The following NRG3 variants were observed in gnomAD, a reference collection of about 807,000 sequenced individuals.
NRG3 encodes pro-neuregulin-3, membrane-bound isoform.
A neutral mutation model predicts 66.9 loss-of-function variants in NRG3; 31 were observed. That is an observed-to-expected ratio of 0.46 (90% CI 0.35 to 0.63). The LOEUF is 0.63. Among genes scored for constraint, NRG3 ranks in the 20% least tolerant of loss-of-function variants. The pLI, the probability that NRG3 is intolerant of heterozygous loss-of-function variation, is 0.00. For synonymous variants in NRG3, 393 were observed against 359.4 expected (o/e 1.09, Z -1.06); for missense variants, 910 against 878.9 (o/e 1.04, Z -0.45).
chr10:82,132,481 TATATATATATG>T (rs1428470355), intron 1 of NRG3, among the ~76,000 whole-genome samples: 1 of 7,326 alleles, frequency 1.4e-4, no homozygotes, highest in African/African-American at 7.0e-4. Context: ...ATATATATGA[TATATATATATG>T]ATATATATAT....
intron 1 of NRG3, among the ~76,000 whole-genome samples, chr10:81,932,979 G>GCAT (rs1248112662): frequency 6.6e-6 from 1 of 151,726 alleles, no homozygotes. Context: ...CGTGATGGTG[G>GCAT]GCACCTGTAA....
At chr10:82,847,616 G>A (rs2063363749) in intron 3 of NRG3, among the ~76,000 whole-genome samples, 1 of 152,182 alleles carries the variant, frequency 6.6e-6, no homozygotes, top group East Asian at 1.9e-4. Flanking sequence ...ATTTTCAGAT[G>A]GTAATTTTCA....
At chr10:82,595,479 A>C (rs2047216707) in intron 2 of NRG3, among the ~76,000 whole-genome samples, 1 of 152,164 alleles carries the variant, frequency 6.6e-6, no homozygotes, top group Admixed American at 6.6e-5. Flanking sequence ...GAGTTGCACA[A>C]CATAGCATGT....
intron 1 of NRG3, among the ~76,000 whole-genome samples, chr10:82,062,804 A>C (rs2064234581): frequency 1.3e-5 from 2 of 152,034 alleles, no homozygotes; most frequent in Non-Finnish European, 2.9e-5. Flanking sequence ...AGAGAAACAA[A>C]AATGTGCTGA....
chr10:82,871,439 A>G (rs1399693607), intron 4 of NRG3, among the ~76,000 whole-genome samples: 1 of 152,146 alleles, frequency 6.6e-6, no homozygotes, highest in Non-Finnish European at 1.5e-5. Flanking sequence ...GAATCAGTTT[A>G]TGAAGATACA....
At chr10:82,774,814 CTTTTTTCTTT>C (rs1242879592) in intron 3 of NRG3, among the ~76,000 whole-genome samples, 1 of 112,012 alleles carries the variant, frequency 8.9e-6, no homozygotes, top group African/African-American at 4.0e-5. Flanking sequence ...TTTCCTTTTT[CTTTTTTCTTT>C]TTTTTTTTTT....
At chr10:82,961,393 A>G (rs1850625504) in intron 6 of NRG3, among the ~76,000 whole-genome samples, 1 of 152,246 alleles carries the variant, frequency 6.6e-6, no homozygotes, top group Non-Finnish European at 1.5e-5. Context: ...ACAAATTAAT[A>G]TAAATGCATT....
At chr10:82,772,155 T>C (rs2059735804) in intron 3 of NRG3, among the ~76,000 whole-genome samples, 1 of 152,160 alleles carries the variant, frequency 6.6e-6, no homozygotes, top group Non-Finnish European at 1.5e-5. Flanking sequence ...TAAATTTTAT[T>C]ATGCATATTT....
At chr10:81,904,655 C>G (rs1043456426) in intron 1 of NRG3, among the ~76,000 whole-genome samples, 11 of 152,140 alleles carry the variant, frequency 7.2e-5, no homozygotes, top group African/African-American at 2.7e-4. Flanking sequence ...CGTATTTTCA[C>G]TGGGCCTTTT....
chr10:82,047,816 G>C (rs541271368), intron 1 of NRG3, among the ~76,000 whole-genome samples: 1 of 151,970 alleles, frequency 6.6e-6, no homozygotes, highest in African/African-American at 2.4e-5. Flanking sequence ...AAATTGGATA[G>C]AGTCAATACC....
At chr10:82,044,297 G>A (rs894505015) in intron 1 of NRG3, among the ~76,000 whole-genome samples, 1 of 151,980 alleles carries the variant, frequency 6.6e-6, no homozygotes, top group Non-Finnish European at 1.5e-5. Flanking sequence ...TCCTATTTCA[G>A]GAGCTCATGG....
At chr10:82,666,288 C>G (rs1438742205) in intron 2 of NRG3, among the ~76,000 whole-genome samples, 9 of 152,138 alleles carry the variant, frequency 5.9e-5, no homozygotes, top group Admixed American at 5.9e-4. Context: ...GTCTTCAAAC[C>G]TTTATTATAG....
chr10:82,045,813 A>G (rs1471429574), intron 1 of NRG3, among the ~76,000 whole-genome samples: 1 of 99,380 alleles, frequency 1.0e-5, no homozygotes, highest in Non-Finnish European at 2.1e-5. Flanking sequence ...AGCACCATTT[A>G]TTAAATAGGG....
chr10:81,961,266 A>G (rs942339380), intron 1 of NRG3, among the ~76,000 whole-genome samples: 2 of 152,146 alleles, frequency 1.3e-5, no homozygotes, highest in Admixed American at 6.5e-5. Context: ...TGTCCCTGGT[A>G]TATTTTATAG....
At chr10:82,484,971 C>G (rs1331028163) in intron 2 of NRG3, among the ~76,000 whole-genome samples, 3 of 152,106 alleles carry the variant, frequency 2.0e-5, no homozygotes, top group African/African-American at 7.2e-5. Context: ...TGTTAACCAT[C>G]TAAAAGATTG....
At chr10:82,868,565 G>A (rs1041752313) in intron 4 of NRG3, among the ~76,000 whole-genome samples, 1 of 152,146 alleles carries the variant, frequency 6.6e-6, no homozygotes, top group Non-Finnish European at 1.5e-5. Context: ...TTGCAGTAGT[G>A]AATAGCTTTA....
At chr10:82,981,368 C>A (rs940276137) in intron 8 of NRG3, among the ~76,000 whole-genome samples, 1 of 152,202 alleles carries the variant, frequency 6.6e-6, no homozygotes, top group African/African-American at 2.4e-5. Context: ...ATATAAGTCA[C>A]TGTATACCCA....
intron 2 of NRG3, among the ~76,000 whole-genome samples, chr10:82,677,710 A>G (rs949796664): frequency 6.6e-6 from 1 of 152,160 alleles, no homozygotes; most frequent in African/African-American, 2.4e-5. Context: ...TGTAAGGCAG[A>G]GTGAGAGACT....
intron 1 of NRG3, among the ~76,000 whole-genome samples, chr10:81,952,207 G>C (rs183871579): frequency 6.6e-6 from 1 of 152,104 alleles, no homozygotes; most frequent in Non-Finnish European, 1.5e-5. Context: ...TAACCTGCAC[G>C]TTGTGCACAT....
Sources: allele counts gnomAD v4.1 joint callset (sites outside exome capture counted in the v4.1 genomes callset), GRCh38; gene constraint gnomAD v4.1.1; transcripts MANE v1.5; gene names NCBI Gene and HGNC (gene_info 2026-07-23, HGNC 2026-07-21).